STXBP5L: variants seen among roughly 807,000 people sequenced by gnomAD.
The protein encoded by STXBP5L is syntaxin-binding protein 5-like.
STXBP5L carries 65 observed loss-of-function variants against 144.5 expected under a neutral mutation model. The observed-to-expected ratio is 0.45, with a 90% CI of 0.37 to 0.55. STXBP5L has a LOEUF of 0.55. STXBP5L is among the 20% of genes least tolerant of loss of function. The pLI is 0.00. For synonymous variants in STXBP5L, 505 were observed against 469.6 expected (o/e 1.08, Z -0.97); for missense variants, 1,298 against 1,405.5 (o/e 0.92, Z 1.22).
At chr3:121,174,301 T>C (rs2046846394) in intron 9 of STXBP5L, among the ~76,000 whole-genome samples, 1 of 152,160 alleles carries the variant, frequency 6.6e-6, no homozygotes. Context: ...TGGTAGTAAA[T>C]GATAATATAG....
At chr3:121,034,725 T>G (rs1028299106) in intron 3 of STXBP5L, among the ~76,000 whole-genome samples, 1 of 152,182 alleles carries the variant, frequency 6.6e-6, no homozygotes, top group African/African-American at 2.4e-5. Context: ...TTCTTCTCCT[T>G]TGGGTAGATA....
chr3:121,324,455 G>A (rs1016696857), intron 20 of STXBP5L: 2 of 660,244 alleles, frequency 3.0e-6, no homozygotes, highest in Admixed American at 5.3e-5. Context: ...TTAGGCTAAG[G>A]TACTCCATGC....
intron 3 of STXBP5L, among the ~76,000 whole-genome samples, chr3:120,995,789 G>A (rs751151119): frequency 6.6e-6 from 1 of 151,966 alleles, no homozygotes; most frequent in African/African-American, 2.4e-5. Flanking sequence ...TATGACTTAC[G>A]AAACTAATAA....
chr3:120,972,106 A>G (rs1940340862), intron 3 of STXBP5L, among the ~76,000 whole-genome samples: 1 of 151,928 alleles, frequency 6.6e-6, no homozygotes, highest in African/African-American at 2.4e-5. Flanking sequence ...TCTATGGGGA[A>G]TGATGTTGGC....
intron 19 of STXBP5L, among the ~76,000 whole-genome samples, chr3:121,315,215 G>A (rs962918689): frequency 6.6e-6 from 1 of 152,072 alleles, no homozygotes; most frequent in African/African-American, 2.4e-5. Context: ...ATTCACAATA[G>A]CAAAGACTTG....
At chr3:121,083,715 C>T (rs2042357783) in intron 5 of STXBP5L, among the ~76,000 whole-genome samples, 2 of 151,942 alleles carry the variant, frequency 1.3e-5, no homozygotes, top group Admixed American at 1.3e-4. Flanking sequence ...GTAAAATTCT[C>T]TAGCCAAATC....
intron 5 of STXBP5L, among the ~76,000 whole-genome samples, chr3:121,086,511 A>G (rs573728410): frequency 6.6e-6 from 1 of 152,110 alleles, no homozygotes; most frequent in Non-Finnish European, 1.5e-5. Flanking sequence ...ACAATTGCCT[A>G]CAGTATTCAC....
intron 5 of STXBP5L, among the ~76,000 whole-genome samples, chr3:121,060,377 T>C (rs1406689456): frequency 6.6e-6 from 1 of 152,212 alleles, no homozygotes; most frequent in East Asian, 1.9e-4. Context: ...GGTTTGTCAG[T>C]ATTTTATTGA....
At chr3:121,001,069 C>T (rs1943734981) in intron 3 of STXBP5L, among the ~76,000 whole-genome samples, 2 of 152,168 alleles carry the variant, frequency 1.3e-5, no homozygotes, top group African/African-American at 2.4e-5. Flanking sequence ...TGGCAAAAGC[C>T]CTTTGTCAAG....
chr3:121,356,414 A>G (rs2045516039), intron 20 of STXBP5L, among the ~76,000 whole-genome samples: 2 of 152,344 alleles, frequency 1.3e-5, no homozygotes, highest in South Asian at 2.1e-4. Context: ...CCCCTCCCCA[A>G]GCCAGGCTGC....
intron 6 of STXBP5L, among the ~76,000 whole-genome samples, chr3:121,119,006 G>A (rs2044345544): frequency 6.6e-6 from 1 of 151,438 alleles, no homozygotes; most frequent in Non-Finnish European, 1.5e-5. Context: ...AATTTACTGG[G>A]TTGTTAAAAC....
intron 2 of STXBP5L, among the ~76,000 whole-genome samples, chr3:120,913,416 A>G (rs1011230220): frequency 5.9e-5 from 9 of 152,000 alleles, no homozygotes; most frequent in African/African-American, 2.2e-4. Flanking sequence ...CCATTAGTGA[A>G]AACCATTATA....
chr3:120,945,386 A>G lies in STXBP5L; in HGVS notation c.190-9554A>G, dbSNP rs60157741. Among the ~76,000 whole-genome samples, 378 of 151,912 alleles carry G rather than the reference A, an allele frequency of 2.5e-3. 2 individuals are homozygous for G. The highest frequency in any genetic ancestry group is 8.5e-3 in the African/African-American group (355 of 41,524). ...CCTGTTACATATAGGTATTATTATT[A>G]TTTTCTATACATGGTAGTTTCCAAT... On this transcript the variant is annotated intron_variant, in intron 2 of 26. Coordinates refer to ENST00000471454, the MANE Select transcript of STXBP5L (RefSeq NM_001308330.2).
intron 3 of STXBP5L, among the ~76,000 whole-genome samples, chr3:120,977,114 C>G (rs1225981269): frequency 6.6e-6 from 1 of 152,160 alleles, no homozygotes; most frequent in Non-Finnish European, 1.5e-5. Context: ...ACCTTTCTGT[C>G]TCATTGATCT....
chr3:121,292,282 A>C (rs2051469453), intron 19 of STXBP5L, among the ~76,000 whole-genome samples: 1 of 152,206 alleles, frequency 6.6e-6, no homozygotes, highest in South Asian at 2.1e-4. Flanking sequence ...TGGCCAACAA[A>C]CACGTAAAAA....
At chr3:121,145,720 C>T (rs1405644334) in intron 7 of STXBP5L, among the ~76,000 whole-genome samples, 4 of 151,938 alleles carry the variant, frequency 2.6e-5, no homozygotes, top group Admixed American at 1.3e-4. Context: ...GTTGGGATGA[C>T]GTTCACTAAA....
chr3:121,145,643 T>A (rs1041582190), intron 7 of STXBP5L, among the ~76,000 whole-genome samples: 1 of 151,994 alleles, frequency 6.6e-6, no homozygotes, highest in South Asian at 2.1e-4. Flanking sequence ...CGTGTTAAAC[T>A]AAGGAAATAT....
intron 9 of STXBP5L, among the ~76,000 whole-genome samples, chr3:121,189,881 A>G (rs1333694742): frequency 2.6e-5 from 4 of 152,206 alleles, no homozygotes; most frequent in African/African-American, 4.8e-5. Flanking sequence ...ACTAACAGTT[A>G]TATTATAAAT....
chr3:121,334,960 A>G (rs2044453595), intron 20 of STXBP5L, among the ~76,000 whole-genome samples: 1 of 152,228 alleles, frequency 6.6e-6, no homozygotes, highest in South Asian at 2.1e-4. Flanking sequence ...GCAAAGAGCA[A>G]TCAGGCAAAA....
Sources: gnomAD v4.1 joint callset for allele counts (sites outside exome capture counted in the v4.1 genomes callset) on GRCh38, gnomAD v4.1.1 for gene constraint, MANE v1.5 for transcripts, NCBI Gene and HGNC (gene_info 2026-07-23, HGNC 2026-07-21) for gene names.